The following ERBB4 variants were observed in gnomAD, a reference collection of about 807,000 sequenced individuals.
The protein encoded by ERBB4 is erb-b2 receptor tyrosine kinase 4.
Under a neutral mutation model 158.0 loss-of-function variants are expected in ERBB4, and 42 were observed. That is an observed-to-expected ratio of 0.27 (90% CI 0.21 to 0.34). The LOEUF (loss-of-function observed/expected upper bound fraction) is 0.34. Ranked by LOEUF, ERBB4 falls within the 10% of genes least tolerant of loss-of-function variation. The pLI is 1.00. For missense variants in ERBB4, 1,333 were observed against 1,624.1 expected (o/e 0.82, Z 3.08); for synonymous variants, 583 against 558.7 (o/e 1.04, Z -0.61).
chr2:211,422,668 T>G (rs2063539231), intron 23 of ERBB4, among the ~76,000 whole-genome samples: 1 of 151,866 alleles, frequency 6.6e-6, no homozygotes, highest in Non-Finnish European at 1.5e-5. Context: ...AGGCTCTGTT[T>G]AGCTAATGAG....
chr2:211,385,344 A>T (rs1434772621), intron 27 of ERBB4, among the ~76,000 whole-genome samples: 1 of 152,144 alleles, frequency 6.6e-6, no homozygotes, highest in Non-Finnish European at 1.5e-5. Flanking sequence ...TGTAGACAGA[A>T]AAATGAGATT....
intron 13 of ERBB4, among the ~76,000 whole-genome samples, chr2:211,678,454 T>C (rs2072189902): frequency 6.6e-6 from 1 of 152,166 alleles, no homozygotes. Context: ...AAAACTGGAA[T>C]ATATTTCTCA....
At chr2:211,539,392 T>C (rs1478694054) in intron 20 of ERBB4, among the ~76,000 whole-genome samples, 1 of 151,982 alleles carries the variant, frequency 6.6e-6, no homozygotes, top group Non-Finnish European at 1.5e-5. Context: ...GTAGAATTTT[T>C]CTGATATATC....
At chr2:211,781,961 T>A (rs2076047939) in intron 4 of ERBB4, among the ~76,000 whole-genome samples, 1 of 152,174 alleles carries the variant, frequency 6.6e-6, no homozygotes, top group Non-Finnish European at 1.5e-5. Context: ...CAGGGTTTGC[T>A]GACCAGCCAT....
At chr2:212,275,825 C>A (rs1417139880) in intron 1 of ERBB4, among the ~76,000 whole-genome samples, 4 of 151,810 alleles carry the variant, frequency 2.6e-5, no homozygotes, top group Non-Finnish European at 5.9e-5. Flanking sequence ...TCATACATAA[C>A]AATATTAACC....
chr2:212,423,819 T>A (rs1274767398), intron 1 of ERBB4, among the ~76,000 whole-genome samples: 1 of 152,182 alleles, frequency 6.6e-6, no homozygotes, highest in Non-Finnish European at 1.5e-5. Context: ...TACTTTCACC[T>A]GATGAGAGTA....
chr2:211,794,335 T>C (rs1373755750), intron 3 of ERBB4, among the ~76,000 whole-genome samples: 1 of 151,878 alleles, frequency 6.6e-6, no homozygotes, highest in African/African-American at 2.4e-5. Flanking sequence ...CCGAGCCACT[T>C]ATCTGACATA....
chr2:211,747,880 C>T (rs2075019777), intron 5 of ERBB4, among the ~76,000 whole-genome samples: 1 of 151,576 alleles, frequency 6.6e-6, no homozygotes, highest in African/African-American at 2.4e-5. Context: ...GGTTCCAGGA[C>T]CCCCATAAAT....
In ERBB4 at chr2:212,399,710, C is replaced by CAAAAAAAA. The variant is rs774502441; in HGVS notation, c.82+138731_82+138738dup. Among the ~76,000 whole-genome samples the CAAAAAAAA allele has an allele frequency of 1.4e-3, 148 of 106,508 alleles. 5 individuals carry two copies. The highest frequency in any genetic ancestry group is 1.9e-3 in the Non-Finnish European group (100 of 51,974). 69.9% of individuals were successfully genotyped at this position (106,508 alleles called of 152,430 possible). Reference sequence around the variant, plus strand: ...TGAAACCCCGTCTCTACTAAAAATACAAAAAAAAAAAAAAAATTAGCCTGC... The same window carrying CAAAAAAAA: ...TGAAACCCCGTCTCTACTAAAAATACAAAAAAAAAAAAAAAAAAAAAAAATTAGCCTGC... On this transcript the variant is annotated intron_variant, in intron 1 of 27. Transcript: ENST00000342788.
At chr2:211,709,929 C>T (rs1008519204) in intron 9 of ERBB4, among the ~76,000 whole-genome samples, 1 of 151,972 alleles carries the variant, frequency 6.6e-6, no homozygotes, top group Non-Finnish European at 1.5e-5. Flanking sequence ...TTTTTATTTC[C>T]TGGTACTTCT....
At chr2:211,677,281 C>T (rs1336474460) in intron 13 of ERBB4, among the ~76,000 whole-genome samples, 2 of 152,216 alleles carry the variant, frequency 1.3e-5, no homozygotes, top group East Asian at 3.9e-4. Flanking sequence ...AAAATACTTT[C>T]AGGCCGGGTG....
intron 1 of ERBB4, among the ~76,000 whole-genome samples, chr2:212,511,664 T>G (rs775382425): frequency 6.6e-5 from 10 of 152,102 alleles, no homozygotes; most frequent in Non-Finnish European, 1.0e-4. Context: ...GGAGTCAACT[T>G]AAAGGAAGAG....
chr2:211,746,033 G>A (rs2074962240), intron 5 of ERBB4, among the ~76,000 whole-genome samples: 1 of 152,180 alleles, frequency 6.6e-6, no homozygotes, highest in Non-Finnish European at 1.5e-5. Flanking sequence ...TTGGGTTAAT[G>A]TAACTGCCCT....
chr2:212,116,017 T>C (rs1461665069), intron 2 of ERBB4, among the ~76,000 whole-genome samples: 1 of 152,126 alleles, frequency 6.6e-6, no homozygotes, highest in African/African-American at 2.4e-5. Flanking sequence ...AAAAAACTTT[T>C]TGCAAACAGT....
At position 212,504,288 on chromosome 2, in the gene ERBB4, T is replaced by C. The variant is rs561000110; in HGVS notation, c.82+34161A>G. 3.3e-5 allele frequency among the ~76,000 whole-genome samples: 5 copies of C among 152,288 alleles called. No homozygotes were observed. In the East Asian group the frequency reaches 5.8e-4, roughly 18 times the overall value. ...AAAACCATAGCTGCATTTTTATTTA[T>C]TTATTAAATTGTATTTATTTTCTTC... On this transcript the variant is annotated intron_variant, in intron 1 of 27. Transcript: ENST00000342788.
At chr2:212,242,819 C>A (rs1024847188) in intron 1 of ERBB4, among the ~76,000 whole-genome samples, 4 of 152,140 alleles carry the variant, frequency 2.6e-5, no homozygotes, top group Admixed American at 1.3e-4. Context: ...GCTTGTTACT[C>A]CAAGACAAAT....
At chr2:211,828,003 A>T (rs1453795360) in intron 3 of ERBB4, among the ~76,000 whole-genome samples, 2 of 152,210 alleles carry the variant, frequency 1.3e-5, no homozygotes, top group Admixed American at 1.3e-4. Flanking sequence ...CTATGCTAGA[A>T]TTCACATCTT....
rs538043607 is a variant in ERBB4, at chr2:211,522,784, T to C, written c.2487+39119A>G. 2.6e-5 allele frequency among the ~76,000 whole-genome samples: 4 copies of C among 152,270 alleles called. No homozygotes were observed. The South Asian group carries it at 8.3e-4, about 32-fold the overall frequency. On this transcript the variant is annotated intron_variant, in intron 20 of 27. Coordinates refer to ENST00000342788, the MANE Select transcript of ERBB4 (RefSeq NM_005235.3). ...TTTTTAGCAATAAAGTATTTTTTAA[T>C]TAAAGCATGTACACTGCTTTTTAGA...
At chr2:211,587,619 G>A (rs2068325844) in intron 19 of ERBB4, among the ~76,000 whole-genome samples, 1 of 151,430 alleles carries the variant, frequency 6.6e-6, no homozygotes, top group Non-Finnish European at 1.5e-5. Context: ...AGAACTGTGA[G>A]AATAAATTTC....
Sources: allele counts gnomAD v4.1 joint callset (sites outside exome capture counted in the v4.1 genomes callset), GRCh38; gene constraint gnomAD v4.1.1; transcripts MANE v1.5; gene names NCBI Gene and HGNC (gene_info 2026-07-23, HGNC 2026-07-21).